RASGRP2: variants seen among roughly 807,000 people sequenced by gnomAD.
The protein encoded by RASGRP2 is RAS guanyl releasing protein 2, also known as RAS guanyl-releasing protein 2.
A neutral mutation model predicts 71.0 loss-of-function variants in RASGRP2; 44 were observed. The ratio of observed to expected loss-of-function variants is 0.62; its 90% CI spans 0.49 to 0.80. RASGRP2 has a LOEUF of 0.80. Ranked by LOEUF, RASGRP2 falls within the 30% of genes least tolerant of loss-of-function variation. The pLI is 0.00. For missense variants in RASGRP2, 663 were observed against 813.4 expected, an observed-to-expected ratio of 0.82 and a Z score of 2.25; for synonymous variants, 350 against 330.7, an observed-to-expected ratio of 1.06 and a Z score of -0.63.
At chr11:64,728,086 C>T (rs948831700) in intron 15 of RASGRP2, among the ~76,000 whole-genome samples, 1 of 152,144 alleles carries the variant, frequency 6.6e-6, no homozygotes, top group African/African-American at 2.4e-5. Context: ...CATAGTTGTT[C>T]GGACTGTTCT....
At chr11:64,730,000 G>A in intron 13 of RASGRP2, 53 bp downstream of exon 13, 1 of 1,536,106 alleles carries the variant, frequency 6.5e-7, no homozygotes, top group Non-Finnish European at 8.8e-7. Context: ...GGAGGGCGGG[G>A]CCGGGGCTGG....
chr11:64,736,968 C>T lies in RASGRP2; in HGVS notation c.880G>A (p.Ala294Thr), dbSNP rs550854298. ...GGGAAGCGGAAGCCCACACAGGCTG[C>T]CAGCCGACGCCGGTAGTTGCCATAG... ...GNYGNYRRRLAACVGFRFPIL... is the reference protein window; with the variant it reads ...GNYGNYRRRLTACVGFRFPIL... Residue 294 changes from alanine to threonine, a missense_variant, in exon 9 of 17, where the codon GCA (alanine) becomes ACA (threonine). Transcript: ENST00000394432. 3 of 1,613,822 alleles carry T rather than the reference C, an allele frequency of 1.9e-6. No individual in the cohort carries two copies. The African/African-American group carries it at 4.0e-5, about 22-fold the overall frequency.
upstream of RASGRP2, chr11:64,744,491 TGG>T (rs1228951642): frequency 5.3e-6 from 1 of 189,034 alleles, no homozygotes; most frequent in Non-Finnish European, 9.8e-6. Flanking sequence ...ATCTGCCAAA[TGG>T]GGGTACGCGG....
At position 64,732,705 on chromosome 11, in the gene RASGRP2, C is replaced by T. The variant is rs542529645; in HGVS notation, c.1412+2407G>A. Among the ~76,000 whole-genome samples the T allele has an allele frequency of 5.0e-4, 76 of 151,738 alleles. 1 individual carries two copies. The highest frequency in any genetic ancestry group is 1.7e-3 in the African/African-American group (70 of 41,358). On this transcript the variant is annotated intron_variant, in intron 12 of 16. Transcript: ENST00000394432. ...CTGAGGCAGGAGAATGGCATGAACC[C>T]GGGAAGCAGAGCTTGCAGTGAGCCG... is the stretch of plus-strand genomic sequence containing the variant.
chr11:64,739,213 T>G lies in RASGRP2; in HGVS notation c.813+147A>C. The G allele has an allele frequency of 2.9e-6, 2 of 698,562 alleles. No homozygotes were observed. Among genetic ancestry groups the G allele is most frequent in the Non-Finnish European group, 5.2e-6 (2 of 387,400 alleles). 43.3% of individuals were successfully genotyped at this position (698,562 alleles called of 1,614,324 possible). ...AGCCCCCACTCTGCTGTTGCCATTG[T>G]GCAAACTGAGAAAAGCACTTAACCC... On this transcript the variant is annotated intron_variant, in intron 8 of 16. Coordinates refer to ENST00000394432, the MANE Select transcript of RASGRP2 (RefSeq NM_001098671.2). This position sits in a 1 kb window ranked among gnomAD's most constrained non-coding sequence, Gnocchi z 4.2.
rs971449125 is a variant in RASGRP2, at chr11:64,742,490, G to A, written c.73+304C>T. The A allele has an allele frequency of 7.0e-6, 4 of 571,920 alleles. No homozygotes were observed. Among genetic ancestry groups the A allele is most frequent in the African/African-American group, 5.6e-5 (3 of 53,274 alleles). 35.4% of individuals were successfully genotyped at this position (571,920 alleles called of 1,614,324 possible). On this transcript the variant is annotated intron_variant, in intron 2 of 16. Coordinates refer to ENST00000394432, the MANE Select transcript of RASGRP2 (RefSeq NM_001098671.2). The surrounding 1 kb of genome is among the most constrained non-coding windows in gnomAD (Gnocchi z 4.7). ...ATTAGCCGGAAACAGCTCCCAGGCC[G>A]GAGATAGCGAGTTCCTCCGGATTCC...
At chr11:64,733,873 G>A (rs1181432396) in intron 12 of RASGRP2, among the ~76,000 whole-genome samples, 15 of 145,040 alleles carry the variant, frequency 1.0e-4, no homozygotes, top group Non-Finnish European at 2.1e-4. Context: ...TTTTTGATGG[G>A]GGTGATCTCG....
At chr11:64,736,124 G>T (rs1353301783) in intron 9 of RASGRP2, 144 bp from the exon 10 acceptor site, 1 of 718,964 alleles carries the variant, frequency 1.4e-6, no homozygotes, top group African/African-American at 1.7e-5. Flanking sequence ...TTAGAACACA[G>T]CACAGCAACC....
intron 5 of RASGRP2, 107 bp downstream of exon 5, chr11:64,740,841 G>A (rs760556341): frequency 7.0e-5 from 103 of 1,478,006 alleles, no homozygotes; most frequent in Middle Eastern, 1.7e-4. Flanking sequence ...GTTTTTAAGC[G>A]AGAGAGCAAC....
At chr11:64,729,874 G>T (rs1302483285) in intron 13 of RASGRP2, 76 bp from the exon 14 acceptor site, 6 of 1,594,806 alleles carry the variant, frequency 3.8e-6, no homozygotes, top group Non-Finnish European at 5.2e-6. Flanking sequence ...TTGAGGGTGA[G>T]ACTAGGGCTT....
chr11:64,741,922 A>T (rs1053169024), intron 3 of RASGRP2, 88 bp downstream of exon 3: 1 of 1,123,230 alleles, frequency 8.9e-7, no homozygotes, highest in East Asian at 2.5e-5. Context: ...TATACTTAGG[A>T]GCGAGGCTCA....
chr11:64,732,935 G>A (rs1213635687), intron 12 of RASGRP2, among the ~76,000 whole-genome samples: 1 of 151,726 alleles, frequency 6.6e-6, no homozygotes, highest in African/African-American at 2.4e-5. Context: ...GGGCAACAAA[G>A]AGCAAAACTC....
chr11:64,727,581 C>T (rs1181441345), intron 15 of RASGRP2, among the ~76,000 whole-genome samples: 8 of 145,818 alleles, frequency 5.5e-5, no homozygotes, highest in Admixed American at 2.1e-4. Flanking sequence ...GGCGCAATCT[C>T]GGCTCTCTGC....
At position 64,735,366 on chromosome 11, in the gene RASGRP2, C is replaced by T; in HGVS notation, c.1297-139G>A. ...CTCTGACACCACCCCCGTTCCATAC[C>T]TCCACCCCCACCCTACCCAGGGGCA... On this transcript the variant is annotated intron_variant, in intron 11 of 16. Coordinates refer to ENST00000394432, the MANE Select transcript of RASGRP2 (RefSeq NM_001098671.2). The surrounding 1 kb of genome is among the most constrained non-coding windows in gnomAD (Gnocchi z 4.2). 1.5e-6 allele frequency: 2 copies of T among 1,322,818 alleles called. No homozygotes were observed. Among genetic ancestry groups the T allele is most frequent in the Non-Finnish European group, 2.2e-6 (2 of 926,572 alleles). The allele number at this position is 1,322,818 out of a possible 1,614,324, so 81.9% of individuals were successfully genotyped here.
Position 64,735,913 on chromosome 11 carries a change from G to A in RASGRP2, c.1163C>T (p.Ser388Phe), listed in dbSNP as rs2057921252. ...YQLSLQREPR[S>F]KSSPTSPTSC... ...GGAGTACCCCCTCACCGAGGACTTG[G>A]AGCGCGGCTCCCGCTGCAGGGACAG... Residue 388 changes from serine to phenylalanine, a missense_variant, in exon 10 of 17, where the codon TCC becomes TTC. Coordinates refer to ENST00000394432, the MANE Select transcript of RASGRP2 (RefSeq NM_001098671.2). This position sits in a 1 kb window ranked among gnomAD's most constrained non-coding sequence, Gnocchi z 4.2. 6.2e-7 allele frequency: 1 copy of A among 1,613,860 alleles called. No homozygotes were observed. The highest frequency in any genetic ancestry group is 8.5e-7 in the Non-Finnish European group (1 of 1,179,904).
chr11:64,742,215 CT>C lies in RASGRP2; in HGVS notation c.74-104del. 1 of 867,412 alleles carries C rather than the reference CT, an allele frequency of 1.2e-6. No homozygotes were observed. Among genetic ancestry groups the C allele is most frequent in the South Asian group, 1.4e-5 (1 of 70,134 alleles). The allele number at this position is 867,412 out of a possible 1,614,324, so 53.7% of individuals were successfully genotyped here. A position where few individuals can be genotyped will look rare whatever the true frequency, so the allele number is the denominator to read the frequency against. ...CAGGTATCGGTCCTTCGGGTGCACG[CT>C]CGACCCCGCCCACCTCCTGCTTGCC... is the stretch of plus-strand genomic sequence containing the variant. On this transcript the variant is annotated intron_variant, in intron 2 of 16. Transcript: ENST00000394432. This position sits in a 1 kb window ranked among gnomAD's most constrained non-coding sequence, Gnocchi z 4.7.
At chr11:64,732,417 G>A (rs1042364205) in intron 12 of RASGRP2, among the ~76,000 whole-genome samples, 2 of 152,242 alleles carry the variant, frequency 1.3e-5, no homozygotes, top group Admixed American at 6.5e-5. Flanking sequence ...CCAGAACTTC[G>A]GGAGGCCGAG....
At chr11:64,737,678 C>CAAAAAAAAAA (rs59836204) in intron 8 of RASGRP2, among the ~76,000 whole-genome samples, 1 of 91,154 alleles carries the variant, frequency 1.1e-5, no homozygotes, top group African/African-American at 3.9e-5. Flanking sequence ...GACTCCATCT[C>CAAAAAAAAAA]AAAAAAAAAA....
Position 64,729,040 on chromosome 11 carries a change from A to G in RASGRP2, c.1594T>C (p.Cys532Arg). 2 of 1,593,470 alleles carry G rather than the reference A, an allele frequency of 1.3e-6. No homozygotes were observed. The highest frequency in any genetic ancestry group is 8.5e-7 in the Non-Finnish European group (1 of 1,175,620). ...CACTGCTTGTGGCAGTTCACTCCAC[A>G]GGCTGGGGGAGAGCAAATGGAGAGC... ...IYKQGLKCRA[C>R]GVNCHKQCKD... is the part of the protein sequence containing the mutation. Residue 532 changes from cysteine to arginine, a missense_variant and splice_region_variant, in exon 15 of 17, where the codon TGT (cysteine) becomes CGT (arginine). By Grantham distance (180) the Cys-to-Arg change is radical. Coordinates refer to ENST00000394432, the MANE Select transcript of RASGRP2 (RefSeq NM_001098671.2).
Sources: gnomAD v4.1 joint callset for allele counts (sites outside exome capture counted in the v4.1 genomes callset) on GRCh38, gnomAD v4.1.1 for gene constraint, Gnocchi (gnomAD v3.1) non-coding constraint, MANE v1.5 for transcripts, NCBI Gene and HGNC (gene_info 2026-07-23, HGNC 2026-07-21) for gene names.